PDE1A: variants seen among roughly 807,000 people sequenced by gnomAD.
The protein encoded by PDE1A is dual specificity calcium/calmodulin-dependent 3',5'-cyclic nucleotide phosphodiesterase 1A.
A neutral mutation model predicts 61.7 loss-of-function variants in PDE1A; 35 were observed. That is an observed-to-expected ratio of 0.57 (90% CI 0.43 to 0.75). The LOEUF (loss-of-function observed/expected upper bound fraction) is 0.75, where lower values mean the gene tolerates loss of function less well. PDE1A is among the 30% of genes least tolerant of loss of function. The pLI is 0.00. For synonymous variants in PDE1A, 232 were observed against 213.2 expected, an observed-to-expected ratio of 1.09 and a Z score of -0.77; for missense variants, 597 against 630.6, an observed-to-expected ratio of 0.95 and a Z score of 0.57.
the PDE1A span, among the ~76,000 whole-genome samples, chr2:182,626,752 T>TATATATATACATATATATAC: frequency 2.3e-4 from 5 of 21,568 alleles, no homozygotes; most frequent in Non-Finnish European, 4.4e-4. Context: ...TATATACATA[T>TATATATATACATATATATAC]ATATATATAC....
upstream of PDE1A, among the ~76,000 whole-genome samples, chr2:182,527,838 G>A (rs1229522699): frequency 6.6e-6 from 1 of 152,034 alleles, no homozygotes. Context: ...AGTCTCATGA[G>A]ATCTCATAGT....
At chr2:182,434,489 T>C (rs1159420219) in intron 2 of PDE1A, among the ~76,000 whole-genome samples, 2 of 152,062 alleles carry the variant, frequency 1.3e-5, no homozygotes, top group East Asian at 3.9e-4. Flanking sequence ...GCCTTTTTAC[T>C]ACATCTTCAG....
chr2:182,185,275 T>A (rs376923411), intron 13 of PDE1A, among the ~76,000 whole-genome samples: 1 of 152,180 alleles, frequency 6.6e-6, no homozygotes, highest in East Asian at 1.9e-4. Flanking sequence ...CAGATCTGGA[T>A]ATGAAAGCTA....
chr2:182,322,223 C>T (rs539849079), intron 1 of PDE1A, among the ~76,000 whole-genome samples: 2 of 152,280 alleles, frequency 1.3e-5, no homozygotes, highest in South Asian at 4.1e-4. Context: ...GTGTTGGGCA[C>T]ATAGTAAGCC....
chr2:182,299,518 G>A (rs1695095344), intron 1 of PDE1A, among the ~76,000 whole-genome samples: 1 of 148,844 alleles, frequency 6.7e-6, no homozygotes, highest in Admixed American at 6.8e-5. Context: ...AAAGGTCCAG[G>A]ATGGTCATCT....
intron 2 of PDE1A, among the ~76,000 whole-genome samples, chr2:182,464,884 A>T (rs962366932): frequency 1.3e-5 from 2 of 152,174 alleles, no homozygotes; most frequent in Non-Finnish European, 2.9e-5. Flanking sequence ...AGCTTTTTTC[A>T]TCGCTGTATG....
chr2:182,366,089 A>G (rs1699823422), intron 1 of PDE1A, among the ~76,000 whole-genome samples: 1 of 152,048 alleles, frequency 6.6e-6, no homozygotes, highest in Non-Finnish European at 1.5e-5. Flanking sequence ...ATTGTGAGAA[A>G]CTGTGATTAC....
chr2:182,454,538 C>T (rs538136401), intron 2 of PDE1A, among the ~76,000 whole-genome samples: 15 of 152,048 alleles, frequency 9.9e-5, no homozygotes, highest in African/African-American at 3.6e-4. Context: ...GCTACAGTAA[C>T]CAAAACAGCA....
the PDE1A span, among the ~76,000 whole-genome samples, chr2:182,632,966 G>A: frequency 1.3e-5 from 2 of 152,264 alleles, no homozygotes; most frequent in Middle Eastern, 3.4e-3. Context: ...TAAACTCAAA[G>A]CACCTAATCC....
intron 1 of PDE1A, among the ~76,000 whole-genome samples, chr2:182,302,745 C>A (rs773429889): frequency 2.0e-5 from 3 of 152,148 alleles, no homozygotes; most frequent in South Asian, 2.1e-4. Flanking sequence ...GTACTTCTTT[C>A]AAAATTGAAG....
chr2:182,364,458 C>T, intron 1 of PDE1A, among the ~76,000 whole-genome samples: 1 of 46,914 alleles, frequency 2.1e-5, no homozygotes, highest in Non-Finnish European at 4.4e-5. Context: ...TATATTAGAA[C>T]ACTTTGGTAA....
At chr2:182,357,196 A>C (rs556596399) in intron 1 of PDE1A, among the ~76,000 whole-genome samples, 2 of 152,224 alleles carry the variant, frequency 1.3e-5, no homozygotes, top group Non-Finnish European at 2.9e-5. Flanking sequence ...AATTAAAAGA[A>C]AAAAGAAAAA....
At chr2:182,394,190 A>C (rs1369115991) in intron 1 of PDE1A, among the ~76,000 whole-genome samples, 2 of 152,180 alleles carry the variant, frequency 1.3e-5, no homozygotes, top group African/African-American at 4.8e-5. Context: ...ATAATTTATA[A>C]AGAAAAAGAG....
At chr2:182,576,959 G>A in the PDE1A span, among the ~76,000 whole-genome samples, 1 of 152,024 alleles carries the variant, frequency 6.6e-6, no homozygotes, top group South Asian at 2.1e-4. Context: ...GCATTATAAA[G>A]GTTATTTATA....
intron 2 of PDE1A, among the ~76,000 whole-genome samples, chr2:182,462,560 C>A (rs1263122376): frequency 1.3e-5 from 2 of 151,902 alleles, no homozygotes; most frequent in African/African-American, 2.4e-5. Context: ...AGGAACAGAG[C>A]ATGGGCCCTG....
the PDE1A span, among the ~76,000 whole-genome samples, chr2:182,531,378 TA>T: frequency 2.9e-3 from 416 of 145,466 alleles, 1 homozygote; most frequent in African/African-American, 9.6e-3. Context: ...AAAAAGGTAG[TA>T]AAAAAAAAAA....
chr2:182,641,947 TA>T, the PDE1A span, among the ~76,000 whole-genome samples: 3 of 152,210 alleles, frequency 2.0e-5, no homozygotes, highest in African/African-American at 7.2e-5. Context: ...ACGTACCTCC[TA>T]AGATCATCTG....
the PDE1A span, among the ~76,000 whole-genome samples, chr2:182,581,330 C>T: frequency 5.3e-5 from 8 of 152,224 alleles, no homozygotes; most frequent in African/African-American, 1.9e-4. Context: ...TGGGTACAAA[C>T]CTCAAACGGC....
At chr2:182,413,804 GTGTC>G (rs2125537391) in intron 1 of PDE1A, among the ~76,000 whole-genome samples, 1 of 152,270 alleles carries the variant, frequency 6.6e-6, no homozygotes, top group Admixed American at 6.5e-5. Flanking sequence ...GTGTCTGTGT[GTGTC>G]TGTGTGTTTA....
Sources: gnomAD v4.1 joint callset for allele counts (sites outside exome capture counted in the v4.1 genomes callset) on GRCh38, gnomAD v4.1.1 for gene constraint, MANE v1.5 for transcripts, NCBI Gene and HGNC (gene_info 2026-07-23, HGNC 2026-07-21) for gene names.